SLC35F3: variants seen among roughly 807,000 people sequenced by gnomAD.
SLC35F3 encodes the protein putative thiamine transporter SLC35F3.
Under a neutral mutation model 49.9 loss-of-function variants are expected in SLC35F3, and 25 were observed. The ratio of observed to expected loss-of-function variants is 0.50; its 90% CI spans 0.37 to 0.70. The LOEUF (loss-of-function observed/expected upper bound fraction) is 0.70, where lower values mean the gene tolerates loss of function less well. Among genes scored for constraint, SLC35F3 ranks in the 30% least tolerant of loss-of-function variants. The pLI is 0.00. For missense variants in SLC35F3, 525 were observed against 639.8 expected (o/e 0.82, Z 1.94); for synonymous variants, 275 against 265.4 (o/e 1.04, Z -0.35).
At chr1:234,129,536 A>G (rs1038166157) in intron 2 of SLC35F3, among the ~76,000 whole-genome samples, 1 of 152,230 alleles carries the variant, frequency 6.6e-6, no homozygotes, top group South Asian at 2.1e-4. Context: ...CATAAAGTCA[A>G]TGAAATCTCA....
chr1:234,188,773 A>G (rs1203997914), intron 2 of SLC35F3, among the ~76,000 whole-genome samples: 1 of 152,044 alleles, frequency 6.6e-6, no homozygotes, highest in Non-Finnish European at 1.5e-5. Flanking sequence ...ACAATAATAT[A>G]ATTAAGGACC....
rs199911834 is a variant in SLC35F3, at chr1:234,081,477, A to AG, written c.284-149936dup. Among the ~76,000 whole-genome samples, 149 of 152,122 alleles carry AG rather than the reference A, an allele frequency of 9.8e-4. 1 individual carries two copies. The East Asian group carries it at 0.019, about 20-fold the overall frequency. On this transcript the variant is annotated intron_variant, in intron 2 of 7. Coordinates refer to ENST00000366618, the MANE Select transcript of SLC35F3 (RefSeq NM_173508.4). ...GTTTCCCAGAGTCAGGACCTGGGGG[A>AG]GGGGCTACGGGAGGCAGGGGATTGA...
chr1:233,944,573 T>G (rs1662483025), intron 2 of SLC35F3, among the ~76,000 whole-genome samples: 1 of 152,192 alleles, frequency 6.6e-6, no homozygotes, highest in South Asian at 2.1e-4. Context: ...TACCTCTGGA[T>G]TGACTGTGTT....
chr1:234,201,942 A>C (rs1666906830), intron 2 of SLC35F3, among the ~76,000 whole-genome samples: 1 of 150,788 alleles, frequency 6.6e-6, no homozygotes, highest in Non-Finnish European at 1.5e-5. Context: ...GAAGGAGTTA[A>C]GGTGTGTGCA....
At chr1:234,094,628 A>C (rs1244331575) in intron 2 of SLC35F3, among the ~76,000 whole-genome samples, 1 of 152,208 alleles carries the variant, frequency 6.6e-6, no homozygotes, top group African/African-American at 2.4e-5. Flanking sequence ...GCTGACCCTG[A>C]GCCCCAGGAA....
chr1:234,015,109 G>C (rs1184557417), intron 2 of SLC35F3, among the ~76,000 whole-genome samples: 1 of 152,144 alleles, frequency 6.6e-6, no homozygotes, highest in Admixed American at 6.5e-5. Context: ...ACTTTGGGAG[G>C]CCGAGGCGGG....
intron 2 of SLC35F3, among the ~76,000 whole-genome samples, chr1:233,936,168 C>A (rs1662323578): frequency 6.6e-6 from 1 of 152,200 alleles, no homozygotes; most frequent in African/African-American, 2.4e-5. Flanking sequence ...TATTACCTAT[C>A]TGAGATCATT....
At chr1:234,042,886 G>A (rs149816018) in intron 2 of SLC35F3, among the ~76,000 whole-genome samples, 34 of 152,226 alleles carry the variant, frequency 2.2e-4, no homozygotes, top group Middle Eastern at 3.4e-3. Context: ...TTCCGCCTTC[G>A]CTCACCCACC....
intron 2 of SLC35F3, among the ~76,000 whole-genome samples, chr1:233,996,776 A>G (rs984807867): frequency 6.6e-6 from 1 of 152,140 alleles, no homozygotes; most frequent in African/African-American, 2.4e-5. Flanking sequence ...CTCTCATTCG[A>G]TACTCTCAGC....
At position 234,189,942 on chromosome 1, in the gene SLC35F3, C is replaced by T. The variant is rs563306734; in HGVS notation, c.284-41475C>T. 5.3e-5 allele frequency among the ~76,000 whole-genome samples: 8 copies of T among 152,220 alleles called. No individual in the cohort carries two copies. The South Asian group carries it at 1.7e-3, about 32-fold the overall frequency. On this transcript the variant is annotated intron_variant, in intron 2 of 7. Coordinates refer to ENST00000366618, the MANE Select transcript of SLC35F3 (RefSeq NM_173508.4). The stretch of plus-strand genomic sequence containing the variant: ...CCTCCTTAAACAAAACAATTATCAG[C>T]CAAGAATTTTGTACCCAGTGAAACT...
rs1035958933 is a variant in SLC35F3 at position 234,157,509 on chromosome 1, AG to A, written c.284-73906del. ...ATTAATAATTAAAAAAAAGAAGGAA[AG>A]GACCCAATTTTATTGAGTTAATTTA... On this transcript the variant is annotated intron_variant, in intron 2 of 7. Coordinates refer to ENST00000366618, the MANE Select transcript of SLC35F3 (RefSeq NM_173508.4). Among the ~76,000 whole-genome samples the A allele has an allele frequency of 2.6e-5, 4 of 152,202 alleles. 1 individual carries two copies. Among genetic ancestry groups the A allele is most frequent in the African/African-American group, 9.7e-5 (4 of 41,444 alleles).
chr1:233,922,752 GT>G (rs1662086891), intron 2 of SLC35F3, among the ~76,000 whole-genome samples: 1 of 152,076 alleles, frequency 6.6e-6, no homozygotes, highest in African/African-American at 2.4e-5. Context: ...TATTGCCTAG[GT>G]TTTCTTCTAG....
intron 2 of SLC35F3, among the ~76,000 whole-genome samples, chr1:233,938,043 T>C (rs1336880007): frequency 6.6e-6 from 1 of 152,204 alleles, no homozygotes; most frequent in Admixed American, 6.5e-5. Context: ...AAGCCTTGAA[T>C]CAATGCCATT....
intron 2 of SLC35F3, among the ~76,000 whole-genome samples, chr1:234,013,454 A>G (rs1327948059): frequency 1.3e-5 from 2 of 152,024 alleles, no homozygotes; most frequent in Non-Finnish European, 2.9e-5. Flanking sequence ...AGAACAAAGT[A>G]CAAAGTTAGG....
At chr1:234,017,177 A>G (rs1176870947) in intron 2 of SLC35F3, among the ~76,000 whole-genome samples, 1 of 152,202 alleles carries the variant, frequency 6.6e-6, no homozygotes, top group African/African-American at 2.4e-5. Context: ...AATACTGAAC[A>G]GTTTCTTTTT....
At chr1:234,156,174 G>A (rs1666148836) in intron 2 of SLC35F3, among the ~76,000 whole-genome samples, 1 of 152,118 alleles carries the variant, frequency 6.6e-6, no homozygotes. Context: ...AATTAACAAT[G>A]TCAAGAAATA....
At chr1:234,098,988 T>C (rs1227709165) in intron 2 of SLC35F3, among the ~76,000 whole-genome samples, 2 of 151,942 alleles carry the variant, frequency 1.3e-5, no homozygotes, top group African/African-American at 4.8e-5. Context: ...GTGTTGCTGG[T>C]GGTGATAGCA....
At chr1:234,276,173 A>G (rs1463000457) in intron 3 of SLC35F3, among the ~76,000 whole-genome samples, 4 of 152,214 alleles carry the variant, frequency 2.6e-5, no homozygotes, top group Admixed American at 6.5e-5. Context: ...AACAGAAATC[A>G]GGACAAATTC....
intron 2 of SLC35F3, among the ~76,000 whole-genome samples, chr1:234,043,458 G>A (rs1412421899): frequency 6.6e-6 from 1 of 152,080 alleles, no homozygotes; most frequent in Non-Finnish European, 1.5e-5. Context: ...TAAAGTTAAA[G>A]AAGAGTAGCA....
Sources: gnomAD v4.1 joint callset for allele counts (sites outside exome capture counted in the v4.1 genomes callset) on GRCh38, gnomAD v4.1.1 for gene constraint, MANE v1.5 for transcripts, NCBI Gene and HGNC (gene_info 2026-07-23, HGNC 2026-07-21) for gene names.